The following CWF19L2 variants were observed in gnomAD, a reference collection of about 807,000 sequenced individuals.
CWF19L2 encodes CWF19 like cell cycle control factor 2, also known as CWF19-like protein 2.
Under a neutral mutation model 111.7 loss-of-function variants are expected in CWF19L2, and 98 were observed. The observed-to-expected ratio is 0.88, with a 90% CI of 0.75 to 1.04. The LOEUF is 1.04. CWF19L2 is among the 50% of genes least tolerant of loss of function. CWF19L2 has a pLI of 0.00. For missense variants in CWF19L2, 1,101 were observed against 1,051.4 expected (o/e 1.05, Z -0.65); for synonymous variants, 351 against 342.9 (o/e 1.02, Z -0.26).
intron 10 of CWF19L2, among the ~76,000 whole-genome samples, chr11:107,413,944 A>G (rs1043137956): frequency 1.3e-5 from 2 of 152,200 alleles, no homozygotes; most frequent in African/African-American, 4.8e-5. Flanking sequence ...GATTCTCCAA[A>G]AGAGCAGCTG....
intron 12 of CWF19L2, among the ~76,000 whole-genome samples, chr11:107,357,106 T>G (rs930747655): frequency 6.6e-6 from 1 of 151,494 alleles, no homozygotes; most frequent in Admixed American, 6.6e-5. Context: ...ACTAAGTAAC[T>G]TAACCAAAAT....
chr11:107,347,878 C>T (rs1336628151), intron 14 of CWF19L2, among the ~76,000 whole-genome samples: 1 of 152,132 alleles, frequency 6.6e-6, no homozygotes, highest in Admixed American at 6.6e-5. Context: ...ATTTTTGGCA[C>T]TGCATTTTGC....
intron 12 of CWF19L2, among the ~76,000 whole-genome samples, chr11:107,367,264 T>C (rs1334913962): frequency 3.7e-5 from 5 of 134,852 alleles, no homozygotes; most frequent in African/African-American, 8.8e-5. Flanking sequence ...TGGAAGTCAG[T>C]GTGGCGATTC....
intron 14 of CWF19L2, among the ~76,000 whole-genome samples, chr11:107,339,072 A>C (rs1025204192): frequency 6.6e-6 from 1 of 152,148 alleles, no homozygotes; most frequent in Admixed American, 6.6e-5. Flanking sequence ...CCTCACCAGC[A>C]TCTGTTGTTT....
chr11:107,449,491 A>G (rs1329604704), intron 3 of CWF19L2, among the ~76,000 whole-genome samples: 1 of 152,166 alleles, frequency 6.6e-6, no homozygotes, highest in African/African-American at 2.4e-5. Context: ...AAGTATAAAT[A>G]AAAAGAATGT....
intron 16 of CWF19L2, among the ~76,000 whole-genome samples, chr11:107,334,152 T>G (rs1859888505): frequency 6.6e-6 from 1 of 152,230 alleles, no homozygotes; most frequent in Admixed American, 6.5e-5. Context: ...AAAAGCATCT[T>G]GAACAATGCC....
chr11:107,361,979 A>C (rs1246829599), intron 12 of CWF19L2, among the ~76,000 whole-genome samples: 1 of 152,208 alleles, frequency 6.6e-6, no homozygotes, highest in African/African-American at 2.4e-5. Flanking sequence ...ACCGTGCGTG[A>C]GCCGAAGCAG....
chr11:107,387,975 A>G (rs1860794723), intron 12 of CWF19L2, among the ~76,000 whole-genome samples: 1 of 151,942 alleles, frequency 6.6e-6, no homozygotes, highest in African/African-American at 2.4e-5. Context: ...TACCAGTCAC[A>G]CTTGTCTTTT....
At chr11:107,426,224 T>C (rs1195090380) in intron 8 of CWF19L2, among the ~76,000 whole-genome samples, 1 of 151,176 alleles carries the variant, frequency 6.6e-6, no homozygotes, top group Non-Finnish European at 1.5e-5. Context: ...AACAAAAAAA[T>C]ACAAATAAAC....
chr11:107,428,592 T>C (rs1861413025), intron 8 of CWF19L2, among the ~76,000 whole-genome samples: 1 of 148,206 alleles, frequency 6.7e-6, no homozygotes, highest in Non-Finnish European at 1.5e-5. Flanking sequence ...AGCTACTGCT[T>C]TCAGCTCTTA....
chr11:107,346,626 A>G (rs1223449630), intron 14 of CWF19L2, among the ~76,000 whole-genome samples: 2 of 152,218 alleles, frequency 1.3e-5, no homozygotes, highest in East Asian at 1.9e-4. Flanking sequence ...CTATTAAAAA[A>G]GCAATCAACA....
At chr11:107,416,953 T>G (rs1253997587) in intron 9 of CWF19L2, among the ~76,000 whole-genome samples, 1 of 152,238 alleles carries the variant, frequency 6.6e-6, no homozygotes, top group African/African-American at 2.4e-5. Flanking sequence ...ACTTTCTTGC[T>G]ATCGTTACTG....
intron 10 of CWF19L2, among the ~76,000 whole-genome samples, chr11:107,395,661 C>T (rs996138933): frequency 6.6e-6 from 1 of 152,038 alleles, no homozygotes; most frequent in African/African-American, 2.4e-5. Flanking sequence ...TTTTCTAGTT[C>T]CTTGTAATTT....
At chr11:107,429,853 GAAATA>G (rs1436024566) in intron 7 of CWF19L2, among the ~76,000 whole-genome samples, 47 of 147,406 alleles carry the variant, frequency 3.2e-4, no homozygotes, top group Non-Finnish European at 6.4e-4. Flanking sequence ...GAAAGACTTG[GAAATA>G]AAAAATTGTG....
intron 12 of CWF19L2, among the ~76,000 whole-genome samples, chr11:107,378,853 AAGAAAGAT>A (rs1177946931): frequency 3.3e-5 from 3 of 89,610 alleles, no homozygotes; most frequent in Non-Finnish European, 8.7e-5. Context: ...AACAAAAAAA[AAGAAAGAT>A]AGCATCGATA....
intron 10 of CWF19L2, among the ~76,000 whole-genome samples, chr11:107,408,688 C>T (rs1861115759): frequency 6.6e-6 from 1 of 151,864 alleles, no homozygotes; most frequent in South Asian, 2.1e-4. Context: ...TTAAAAAATA[C>T]AAGCTGAACT....
At chr11:107,430,006 T>G (rs1861442272) in intron 7 of CWF19L2, among the ~76,000 whole-genome samples, 2 of 151,914 alleles carry the variant, frequency 1.3e-5, no homozygotes, top group Non-Finnish European at 2.9e-5. Context: ...ACATGAACAA[T>G]TGATTCTAGA....
chr11:107,362,826 T>C (rs1229814677), intron 12 of CWF19L2, among the ~76,000 whole-genome samples: 1 of 151,940 alleles, frequency 6.6e-6, no homozygotes, highest in Non-Finnish European at 1.5e-5. Flanking sequence ...GGATGGAGAA[T>C]GACTTTGACG....
At chr11:107,406,814 TC>T (rs1861085043) in intron 10 of CWF19L2, among the ~76,000 whole-genome samples, 1 of 151,660 alleles carries the variant, frequency 6.6e-6, no homozygotes, top group Admixed American at 6.6e-5. Context: ...TTTTAATCTA[TC>T]CTTTGTATAT....
Sources: allele counts gnomAD v4.1 joint callset (sites outside exome capture counted in the v4.1 genomes callset), GRCh38; gene constraint gnomAD v4.1.1; transcripts MANE v1.5; gene names NCBI Gene and HGNC (gene_info 2026-07-23, HGNC 2026-07-21).